ZNF157: variants seen among roughly 807,000 people sequenced by gnomAD.
The protein encoded by ZNF157 is zinc finger protein 22.
A neutral mutation model predicts 9.4 loss-of-function variants in ZNF157; 8 were observed. The ratio of observed to expected loss-of-function variants is 0.85; its 90% CI spans 0.50 to 1.53. The LOEUF (loss-of-function observed/expected upper bound fraction) is 1.53. Ranked by LOEUF, ZNF157 falls within the 40% of genes most tolerant of loss-of-function variation. The pLI, the probability that ZNF157 is intolerant of heterozygous loss-of-function variation, is 0.00. For synonymous variants in ZNF157, 120 were observed against 130.8 expected (o/e 0.92, Z 0.56); for missense variants, 316 against 385.2 (o/e 0.82, Z 1.50).
intron 1 of ZNF157, among the ~76,000 whole-genome samples, chrX:47,381,046 GAGA>G (rs767307168): frequency 2.2e-5 from 2 of 92,807 alleles, no homozygotes; most frequent in South Asian, 1.1e-3. Context: ...GGAGGAGAAA[GAGA>G]AGGAGGAAGA....
At chrX:47,393,746 T>TCCCCCCC (rs1411531595) in intron 1 of ZNF157, among the ~76,000 whole-genome samples, 1 of 61,846 alleles carries the variant, frequency 1.6e-5, no homozygotes, top group Non-Finnish European at 3.2e-5. Flanking sequence ...CCCCGCCCTT[T>TCCCCCCC]TTTTTTTTTT....
Position 47,400,057 on chromosome X carries a change from C to T in ZNF157, c.73-10219C>T, listed in dbSNP as rs745619960. Among the ~76,000 whole-genome samples the T allele has an allele frequency of 1.7e-4, 17 of 101,274 alleles. No individual in the cohort carries two copies. The East Asian group carries it at 1.9e-3, about 11-fold the overall frequency. The allele number at this position is 101,274 out of a possible 115,157, so 87.9% of individuals were successfully genotyped here. A position where few individuals can be genotyped will look rare whatever the true frequency, so the allele number is the denominator to read the frequency against. ...TGTCACCCAGGCTGGAGTGCAGTGG[C>T]GCAATTTCGGCTCACCACAACCTCT... On this transcript the variant is annotated intron_variant, in intron 1 of 3. Coordinates refer to ENST00000377073, the MANE Select transcript of ZNF157 (RefSeq NM_003446.4).
intron 1 of ZNF157, among the ~76,000 whole-genome samples, chrX:47,394,975 T>C (rs975733212): frequency 9.0e-6 from 1 of 111,322 alleles, no homozygotes; most frequent in African/African-American, 3.3e-5. Flanking sequence ...CACACCACCA[T>C]GTCCAGCTAA....
At chrX:47,386,962 C>CT (rs1209611244) in intron 1 of ZNF157, among the ~76,000 whole-genome samples, 3 of 110,149 alleles carry the variant, frequency 2.7e-5, no homozygotes, top group East Asian at 2.9e-4. Flanking sequence ...ACTTTGCAGT[C>CT]TTTTTTTTGT....
intron 1 of ZNF157, among the ~76,000 whole-genome samples, chrX:47,393,721 A>C (rs2055904278): frequency 1.9e-4 from 16 of 82,270 alleles, no homozygotes; most frequent in Admixed American, 4.3e-4. Context: ...TTGAGCTACC[A>C]TCCCCGCCAC....
At chrX:47,373,623 C>T (rs2055834930) in intron 1 of ZNF157, among the ~76,000 whole-genome samples, 1 of 110,590 alleles carries the variant, frequency 9.0e-6, no homozygotes, top group Non-Finnish European at 1.9e-5. Context: ...AGACCTATAA[C>T]TTAAACTTAT....
At chrX:47,407,352 C>T in intron 1 of ZNF157, among the ~76,000 whole-genome samples, 1 of 112,049 alleles carries the variant, frequency 8.9e-6, no homozygotes, top group Middle Eastern at 4.6e-3. Context: ...ATGATGGCCT[C>T]ATAAAATGAG....
At chrX:47,407,100 G>A (rs750822555) in intron 1 of ZNF157, among the ~76,000 whole-genome samples, 1 of 112,284 alleles carries the variant, frequency 8.9e-6, no homozygotes, top group Non-Finnish European at 1.9e-5. Flanking sequence ...ATCAATTGAT[G>A]ATTGTGTGGT....
chrX:47,409,114 T>C (rs1302190299), intron 1 of ZNF157, among the ~76,000 whole-genome samples: 1 of 111,636 alleles, frequency 9.0e-6, no homozygotes, highest in African/African-American at 3.3e-5. Context: ...TCTGCTAGCC[T>C]TCTCTCTTGA....
rs140201286 is a variant in ZNF157 at position 47,413,248 on chromosome X, G to A, written c.1175G>A (p.Gly392Asp). ...AAACCTTACGAATGTAATGAGTGTG[G>A]TAATGCTTTCTATGTGAAAGCACGC... ...GEKPYECNECGNAFYVKARLI... is the reference protein window; with the variant it reads ...GEKPYECNECDNAFYVKARLI... Residue 392 changes from glycine to aspartate, a missense_variant, in exon 4 of 4, where the codon GGT (glycine) becomes GAT (aspartate). Gly to Asp is a moderately conservative substitution (Grantham distance 94). Coordinates refer to ENST00000377073, the MANE Select transcript of ZNF157 (RefSeq NM_003446.4). 72 of 1,210,309 alleles carry A rather than the reference G, an allele frequency of 5.9e-5. No individual in the cohort carries two copies. The highest frequency in any genetic ancestry group is 7.5e-5 in the Non-Finnish European group (67 of 895,278).
rs759740030 is a variant in ZNF157, at chrX:47,413,061, T to C, written c.988T>C (p.Tyr330His). ...HQRIHTGEKP[Y>H]ECGECGKFFR... ...AAGAATTCACACAGGTGAGAAACCC[T>C]ATGAGTGTGGTGAATGTGGGAAATT... Residue 330 changes from tyrosine (Y) to histidine (H), a missense_variant, in exon 4 of 4, where the codon TAT becomes CAT. Tyr to His is a moderately conservative substitution (Grantham distance 83). Transcript: ENST00000377073. 12 of 1,211,143 alleles carry C rather than the reference T, an allele frequency of 9.9e-6. No individual in the cohort carries two copies. The East Asian group carries it at 3.5e-4, about 36-fold the overall frequency.
At position 47,414,086 on chromosome X, in the gene ZNF157, A is replaced by G. The variant is rs1359518162; in HGVS notation, c.*492A>G. On this transcript the variant is annotated 3_prime_UTR_variant, in exon 4 of 4. Transcript: ENST00000377073. ...GAGTGCAATGGCATGACCTCAGCTC[A>G]TTTCAACCTTCGCCTCCCGGGTTCA... is the stretch of plus-strand genomic sequence containing the variant. The G allele has an allele frequency of 9.1e-6, 1 of 110,325 alleles. No individual in the cohort carries two copies. The highest frequency in any genetic ancestry group is 1.9e-5 in the Non-Finnish European group (1 of 52,897). 9.1% of individuals were successfully genotyped at this position (110,325 alleles called of 1,213,427 possible).
intron 1 of ZNF157, chrX:47,390,555 A>G (rs923835648): frequency 9.0e-5 from 10 of 111,677 alleles, no homozygotes; most frequent in African/African-American, 3.3e-4. Flanking sequence ...AAAATACAAA[A>G]TTAGCTGGGT....
intron 1 of ZNF157, among the ~76,000 whole-genome samples, chrX:47,396,495 C>T (rs781240153): frequency 4.5e-5 from 5 of 110,193 alleles, no homozygotes; most frequent in Admixed American, 9.8e-5. Flanking sequence ...GCCGAGATCG[C>T]GCCATTGCAC....
At chrX:47,394,012 A>G (rs1287721781) in intron 1 of ZNF157, among the ~76,000 whole-genome samples, 1 of 105,660 alleles carries the variant, frequency 9.5e-6, no homozygotes, top group African/African-American at 3.5e-5. Flanking sequence ...GCCCAGGCTG[A>G]AGGGCAGTGG....
chrX:47,399,368 T>TA (rs2055923857), intron 1 of ZNF157, among the ~76,000 whole-genome samples: 1 of 111,816 alleles, frequency 8.9e-6, no homozygotes, highest in South Asian at 3.7e-4. Context: ...CATATATATA[T>TA]TTTTAAAGTA....
Position 47,407,003 on chromosome X carries a change from C to T in ZNF157, c.73-3273C>T, listed in dbSNP as rs183010417. ...TAGGTTTTTGGTAGATGATCTTTATCAGGTTAAAGAAGTTTCCTTCTATTC... is the reference window on the plus strand; with the variant it reads ...TAGGTTTTTGGTAGATGATCTTTATTAGGTTAAAGAAGTTTCCTTCTATTC... On this transcript the variant is annotated intron_variant, in intron 1 of 3. Transcript: ENST00000377073. 3.2e-3 allele frequency among the ~76,000 whole-genome samples: 354 copies of T among 111,880 alleles called. 1 individual carries two copies. The highest frequency in any genetic ancestry group is 0.011 in the African/African-American group (338 of 30,876).
At chrX:47,374,998 CTTTTTTTTTT>C (rs769541152) in intron 1 of ZNF157, among the ~76,000 whole-genome samples, 3 of 24,994 alleles carry the variant, frequency 1.2e-4, no homozygotes, top group Non-Finnish European at 2.1e-4. Context: ...GGCTGACAAT[CTTTTTTTTTT>C]TTTTTTTTTT....
intron 1 of ZNF157, among the ~76,000 whole-genome samples, chrX:47,398,795 CCTCAGCCTCCCGAGTAG>C (rs1308206183): frequency 8.9e-6 from 1 of 111,987 alleles, no homozygotes; most frequent in Non-Finnish European, 1.9e-5. Flanking sequence ...GATTCTTCTG[CCTCAGCCTCCCGAGTAG>C]CTGGGATTAC....
Sources: allele counts gnomAD v4.1 joint callset (sites outside exome capture counted in the v4.1 genomes callset), GRCh38; gene constraint gnomAD v4.1.1; transcripts MANE v1.5; gene names NCBI Gene and HGNC (gene_info 2026-07-23, HGNC 2026-07-21).